Variants in PPP2R3A observed in about 807,000 individuals in gnomAD.
PPP2R3A encodes protein phosphatase 2 regulatory subunit B''alpha, also known as serine/threonine-protein phosphatase 2A regulatory subunit B'' subunit alpha.
A neutral mutation model predicts 106.9 loss-of-function variants in PPP2R3A; 80 were observed. The observed-to-expected ratio is 0.75, with a 90% CI of 0.62 to 0.90. The LOEUF is 0.90. Among genes scored for constraint, PPP2R3A ranks in the 40% least tolerant of loss-of-function variants. The pLI is 0.00. For missense variants in PPP2R3A, 1,386 were observed against 1,350.4 expected, an observed-to-expected ratio of 1.03 and a Z score of -0.41; for synonymous variants, 483 against 468.3, an observed-to-expected ratio of 1.03 and a Z score of -0.41.
chr3:136,011,220 G>C (rs1934060212), intron 2 of PPP2R3A, among the ~76,000 whole-genome samples: 1 of 149,964 alleles, frequency 6.7e-6, no homozygotes, highest in Admixed American at 6.6e-5. Context: ...CCCCTCTACT[G>C]TTTTTTTTTC....
At chr3:136,081,705 G>C (rs577774100) in intron 7 of PPP2R3A, among the ~76,000 whole-genome samples, 6 of 152,226 alleles carry the variant, frequency 3.9e-5, no homozygotes, top group African/African-American at 1.4e-4. Context: ...TGCCGTAGGG[G>C]AGTACAGTGA....
chr3:136,080,437 C>T (rs1412724778), intron 7 of PPP2R3A, among the ~76,000 whole-genome samples: 1 of 152,172 alleles, frequency 6.6e-6, no homozygotes, highest in Non-Finnish European at 1.5e-5. Flanking sequence ...TGCCAAGTTA[C>T]CCTCCAAAAA....
rs146565595 is a variant in PPP2R3A, at chr3:136,105,843, C to G, written c.3223-373C>G. Among the ~76,000 whole-genome samples the G allele has an allele frequency of 4.4e-3, 675 of 151,870 alleles. 3 individuals carry two copies. The highest frequency in any genetic ancestry group is 0.031 in the Middle Eastern group (9 of 294). On this transcript the variant is annotated intron_variant, in intron 12 of 13. Transcript: ENST00000264977. ...GACGTGGTGGTACTTGCCTGTAGTC[C>G]CAGCTACTTGGGAGGCTGAGGCAGG...
At chr3:136,071,655 C>T (rs1936433309) in intron 6 of PPP2R3A, among the ~76,000 whole-genome samples, 1 of 152,120 alleles carries the variant, frequency 6.6e-6, no homozygotes, top group South Asian at 2.1e-4. Context: ...AAAAATCAGC[C>T]AGATCATGTC....
chr3:136,052,364 GTC>G (rs1441578257), intron 5 of PPP2R3A, among the ~76,000 whole-genome samples: 1 of 152,102 alleles, frequency 6.6e-6, no homozygotes, highest in Non-Finnish European at 1.5e-5. Context: ...CAGTAACTAT[GTC>G]TCTCTACAAT....
intron 2 of PPP2R3A, among the ~76,000 whole-genome samples, chr3:136,005,727 A>G (rs887382884): frequency 6.6e-6 from 1 of 152,196 alleles, no homozygotes; most frequent in Admixed American, 6.5e-5. Context: ...AGCAACTTCA[A>G]AATGATAATA....
chr3:136,017,564 C>T (rs1315957304), intron 2 of PPP2R3A, among the ~76,000 whole-genome samples: 1 of 152,186 alleles, frequency 6.6e-6, no homozygotes, highest in African/African-American at 2.4e-5. Flanking sequence ...AGGCTGTTAA[C>T]GTATTTAGAT....
intron 2 of PPP2R3A, among the ~76,000 whole-genome samples, chr3:136,010,788 A>G (rs1452599351): frequency 6.6e-6 from 1 of 151,954 alleles, no homozygotes; most frequent in African/African-American, 2.4e-5. Flanking sequence ...ATCCCCTCCC[A>G]TCAACTCACA....
At position 136,003,125 on chromosome 3, in the gene PPP2R3A, C is replaced by CA; in HGVS notation, c.1628dup (p.His543GlnfsTer13). ...TAAAAACTCTAATTTTTTAAATAGTCACAGTCAGTTGACCGGTCAGACCCT... is the reference window on the plus strand; with the variant it reads ...TAAAAACTCTAATTTTTTAAATAGTCAACAGTCAGTTGACCGGTCAGACCCT... On this transcript the variant is annotated frameshift_variant, in exon 2 of 14. Transcript: ENST00000264977. LOFTEE classifies it high-confidence loss of function. 1 of 1,612,524 alleles carries CA rather than the reference C, an allele frequency of 6.2e-7. No homozygotes were observed. The highest frequency in any genetic ancestry group is 8.5e-7 in the Non-Finnish European group (1 of 1,179,580).
intron 2 of PPP2R3A, among the ~76,000 whole-genome samples, chr3:136,010,716 G>A (rs1035797192): frequency 3.9e-5 from 6 of 151,946 alleles, no homozygotes; most frequent in African/African-American, 1.4e-4. Flanking sequence ...GTGAGCCACC[G>A]CGCCCATCCC....
At chr3:136,049,515 C>CTGTCGTTAAATGAAA (rs1935600052) in intron 5 of PPP2R3A, among the ~76,000 whole-genome samples, 154 bp downstream of exon 5, 1 of 147,936 alleles carries the variant, frequency 6.8e-6, no homozygotes, top group African/African-American at 2.5e-5. Flanking sequence ...CAGTAAGATC[C>CTGTCGTTAAATGAAA]TCTCGTTAAA....
At chr3:136,125,843 A>T (rs1354779525) in intron 13 of PPP2R3A, among the ~76,000 whole-genome samples, 1 of 152,236 alleles carries the variant, frequency 6.6e-6, no homozygotes, top group African/African-American at 2.4e-5. Context: ...TCAAAAATCA[A>T]TGTAATACAA....
intron 13 of PPP2R3A, among the ~76,000 whole-genome samples, chr3:136,109,425 G>A (rs554149794): frequency 4.4e-4 from 67 of 152,198 alleles, no homozygotes; most frequent in African/African-American, 1.6e-3. Flanking sequence ...ATTATTGAAT[G>A]ACAACAACAA....
In PPP2R3A at chr3:136,078,469, G is replaced by C. The variant is rs561034524; in HGVS notation, c.2631+16G>C. ...CTTTTTGCAAGTATGCCTTTCATTA[G>C]AATTCATGTGTAATGAGCAATTTAG... On this transcript the variant is annotated intron_variant, in intron 7 of 13. Transcript: ENST00000264977. The C allele has an allele frequency of 1.4e-5, 20 of 1,469,246 alleles. No homozygotes were observed. The highest frequency in any genetic ancestry group is 1.9e-5 in the Non-Finnish European group (20 of 1,054,674). The allele number at this position is 1,469,246 out of a possible 1,614,324, so 91.0% of individuals were successfully genotyped here. A position where few individuals can be genotyped will look rare whatever the true frequency, so the allele number is the denominator to read the frequency against.
intron 1 of PPP2R3A, among the ~76,000 whole-genome samples, chr3:135,970,747 T>C (rs141967151): frequency 6.6e-6 from 1 of 152,168 alleles, no homozygotes; most frequent in Admixed American, 6.5e-5. Context: ...ATGCCTACAA[T>C]GTAGGTGTTA....
At chr3:136,019,108 A>T (rs1362916801) in intron 2 of PPP2R3A, among the ~76,000 whole-genome samples, 1 of 152,218 alleles carries the variant, frequency 6.6e-6, no homozygotes, top group Non-Finnish European at 1.5e-5. Flanking sequence ...GTGTCTTCAG[A>T]CAGGGAAAGT....
intron 5 of PPP2R3A, chr3:136,055,685 G>A (rs1028490213): frequency 8.3e-6 from 8 of 969,020 alleles, no homozygotes; most frequent in African/African-American, 8.1e-5. Flanking sequence ...ACTAACTGTG[G>A]TTTGCACCCT....
intron 5 of PPP2R3A, among the ~76,000 whole-genome samples, chr3:136,058,895 G>C (rs878862875): frequency 2.0e-5 from 3 of 152,160 alleles, no homozygotes; most frequent in Non-Finnish European, 4.4e-5. Context: ...AATTGGGAAA[G>C]GATTCCCTAT....
intron 5 of PPP2R3A, among the ~76,000 whole-genome samples, chr3:136,058,188 C>T (rs1935942271): frequency 1.3e-5 from 2 of 152,122 alleles, no homozygotes; most frequent in African/African-American, 4.8e-5. Flanking sequence ...TCAGGGCAGT[C>T]AGGCAAGAGA....
Sources: allele counts gnomAD v4.1 joint callset (sites outside exome capture counted in the v4.1 genomes callset), GRCh38; gene constraint gnomAD v4.1.1; transcripts MANE v1.5; gene names NCBI Gene and HGNC (gene_info 2026-07-23, HGNC 2026-07-21).